Variants in ILDR2 observed in about 807,000 individuals in gnomAD.
ILDR2 encodes immunoglobulin-like domain-containing receptor 2.
In ILDR2, 25 loss-of-function variants were observed where a neutral mutation model predicts 66.8. That is an observed-to-expected ratio of 0.37 (90% CI 0.27 to 0.52). The LOEUF is 0.52. Among genes scored for constraint, ILDR2 ranks in the 20% least tolerant of loss-of-function variants. The pLI, the probability that ILDR2 is intolerant of heterozygous loss-of-function variation, is 0.88. For synonymous variants in ILDR2, 367 were observed against 357.2 expected, an observed-to-expected ratio of 1.03 and a Z score of -0.31; for missense variants, 827 against 876.8, an observed-to-expected ratio of 0.94 and a Z score of 0.72.
Position 166,920,923 on chromosome 1 carries a change from C to T in ILDR2, c.1668G>A (p.Ala556=). 1.4e-6 allele frequency: 2 copies of T among 1,477,652 alleles called. No individual in the cohort carries two copies. The highest frequency in any genetic ancestry group is 1.3e-5 in the South Asian group (1 of 76,850). 91.5% of individuals were successfully genotyped at this position (1,477,652 alleles called of 1,614,324 possible). A position where few individuals can be genotyped will look rare whatever the true frequency, so the allele number is the denominator to read the frequency against. Residue 556 remains alanine (A), a synonymous_variant, in exon 9 of 10, where the codon GCG becomes GCA. Coordinates refer to ENST00000271417, the MANE Select transcript of ILDR2 (RefSeq NM_199351.3). ...GSLETPSKRS[A]QLGPRSASYY... is the part of the protein sequence containing the mutation. ...AGGAGGCGCTGCGCGGGCCGAGCTG[C>T]GCGCTCCGCTTGGATGGCGTCTCCA... is the stretch of plus-strand genomic sequence containing the variant.
In ILDR2 at chr1:166,900,838, G is replaced by A. The variant is rs960807317; in HGVS notation, n.172-4737C>T. ...GCTTTTGTTTTGTGGGGTGGTATGGGTAGTTCTAAGTTACCGTTACTTTTA... is the reference window on the plus strand; with the variant it reads ...GCTTTTGTTTTGTGGGGTGGTATGGATAGTTCTAAGTTACCGTTACTTTTA... On this transcript the variant is annotated intron_variant and non_coding_transcript_variant, in intron 2 of 2. Transcript: ENST00000414590. 2.0e-5 allele frequency among the ~76,000 whole-genome samples: 3 copies of A among 151,538 alleles called. No individual in the cohort carries two copies. In the East Asian group the frequency reaches 5.8e-4, roughly 29 times the overall value.
intron 9 of ILDR2, among the ~76,000 whole-genome samples, chr1:166,920,174 A>G (rs908645280): frequency 6.6e-6 from 1 of 152,200 alleles, no homozygotes; most frequent in East Asian, 1.9e-4. Flanking sequence ...ACTCAATAAA[A>G]CATCAAAAGA....
intron 2 of ILDR2, among the ~76,000 whole-genome samples, chr1:166,901,602 C>T (rs1276617714): frequency 1.3e-5 from 2 of 152,140 alleles, no homozygotes; most frequent in African/African-American, 2.4e-5. Flanking sequence ...GGGCTGATTT[C>T]TCAAATGTTA....
chr1:166,973,626 G>A (rs1030466002), intron 1 of ILDR2, among the ~76,000 whole-genome samples: 1 of 18,000 alleles, frequency 5.6e-5, no homozygotes, highest in African/African-American at 1.2e-4. Context: ...CCCCCCCCCC[G>A]ATGCCTGGCT....
intron 4 of ILDR2, among the ~76,000 whole-genome samples, chr1:166,938,184 T>A (rs932972375): frequency 5.9e-5 from 9 of 152,236 alleles, no homozygotes; most frequent in African/African-American, 9.6e-5. Context: ...GGCCTAAGCC[T>A]TAGTAACAAC....
At position 166,936,864 on chromosome 1, in the gene ILDR2, C is replaced by CCCT; in HGVS notation, c.557-128_557-127insAGG. ...ACCTAGGGAAGAAAGCTTCTCTTAA[C>CCCT]AGGAGACAGAGCCCCAACACTCAAG... On this transcript the variant is annotated intron_variant, in intron 4 of 9. Transcript: ENST00000271417. This position sits in a 1 kb window ranked among gnomAD's most constrained non-coding sequence, Gnocchi z 5.0. The CCCT allele has an allele frequency of 2.3e-6, 2 of 865,690 alleles. No homozygotes were observed. Among genetic ancestry groups the CCCT allele is most frequent in the Non-Finnish European group, 3.7e-6 (2 of 546,502 alleles). 53.6% of individuals were successfully genotyped at this position (865,690 alleles called of 1,614,324 possible). A position where few individuals can be genotyped will look rare whatever the true frequency, so the allele number is the denominator to read the frequency against.
chr1:166,904,135 C>A (rs1264219852), downstream of ILDR2, among the ~76,000 whole-genome samples: 1 of 152,170 alleles, frequency 6.6e-6, no homozygotes, highest in Non-Finnish European at 1.5e-5. Context: ...ATAATTAGTG[C>A]CCAACAAATA....
chr1:166,925,770 A>T (rs899413463), intron 7 of ILDR2, among the ~76,000 whole-genome samples: 1 of 152,200 alleles, frequency 6.6e-6, no homozygotes, highest in Admixed American at 6.5e-5. Flanking sequence ...ATGACCATTA[A>T]GCCCCTAGAG....
chr1:166,915,011 C>T lies in ILDR2; in HGVS notation c.*4344G>A, dbSNP rs1659588397. ...AAAATGATTGAGTTTTTCTATTTCC[C>T]CAATGGCATCTTTTCCTTCTATTCA... On this transcript the variant is annotated 3_prime_UTR_variant, in exon 10 of 10. Coordinates refer to ENST00000271417, the MANE Select transcript of ILDR2 (RefSeq NM_199351.3). 1 of 152,146 alleles carries T rather than the reference C, an allele frequency of 6.6e-6. No homozygotes were observed. Among genetic ancestry groups the T allele is most frequent in the African/African-American group, 2.4e-5 (1 of 41,414 alleles). 9.4% of individuals were successfully genotyped at this position (152,146 alleles called of 1,614,324 possible). A position where few individuals can be genotyped will look rare whatever the true frequency, so the allele number is the denominator to read the frequency against.
At chr1:166,938,356 G>C (rs1206450969) in intron 4 of ILDR2, among the ~76,000 whole-genome samples, 3 of 152,230 alleles carry the variant, frequency 2.0e-5, no homozygotes, top group African/African-American at 7.2e-5. Context: ...TGGAATCAAA[G>C]GGAGGGAAAT....
chr1:166,945,714 T>C (rs562995108), intron 3 of ILDR2, among the ~76,000 whole-genome samples: 38 of 152,380 alleles, frequency 2.5e-4, no homozygotes, highest in Admixed American at 3.9e-4. Context: ...TGATAACACA[T>C]TGTTTAATGC....
At chr1:166,948,206 T>G (rs567370357) in intron 3 of ILDR2, among the ~76,000 whole-genome samples, 1 of 152,136 alleles carries the variant, frequency 6.6e-6, no homozygotes, top group African/African-American at 2.4e-5. Flanking sequence ...TCTTCTGTTC[T>G]CTTCAATCTA....
chr1:166,965,086 G>C (rs1662853582), intron 1 of ILDR2, among the ~76,000 whole-genome samples: 1 of 152,024 alleles, frequency 6.6e-6, no homozygotes, highest in Non-Finnish European at 1.5e-5. Flanking sequence ...TTAACTCTTT[G>C]AGTACCAAAA....
intron 1 of ILDR2, among the ~76,000 whole-genome samples, chr1:166,964,960 G>T (rs1401099313): frequency 1.3e-5 from 2 of 152,182 alleles, no homozygotes; most frequent in Non-Finnish European, 2.9e-5. Context: ...TTGGGAGGCA[G>T]ATCTATAAGC....
chr1:166,968,686 A>T (rs1284680301), intron 1 of ILDR2, among the ~76,000 whole-genome samples: 1 of 152,108 alleles, frequency 6.6e-6, no homozygotes, highest in Non-Finnish European at 1.5e-5. Flanking sequence ...GATGTGCCAT[A>T]GATATGGCCA....
At chr1:166,973,495 C>A (rs1418336812) in intron 1 of ILDR2, among the ~76,000 whole-genome samples, 1 of 151,908 alleles carries the variant, frequency 6.6e-6, no homozygotes, top group East Asian at 1.9e-4. Context: ...AAGCTGTGAG[C>A]CATCTAAAGA....
rs1196204355 is a variant in ILDR2 at position 166,912,218 on chromosome 1, T to G, written c.*7137A>C. The G allele has an allele frequency of 6.6e-6, 1 of 152,186 alleles. No homozygotes were observed. Among genetic ancestry groups the G allele is most frequent in the East Asian group, 1.9e-4 (1 of 5,202 alleles). 9.4% of individuals were successfully genotyped at this position (152,186 alleles called of 1,614,324 possible). A position where few individuals can be genotyped will look rare whatever the true frequency, so the allele number is the denominator to read the frequency against. ...AGTCAGAAGGGAGTGTAATAATAAC[T>G]TCAATGTCCTGAAAGAAAATAACTA... On this transcript the variant is annotated 3_prime_UTR_variant, in exon 10 of 10. Coordinates refer to ENST00000271417, the MANE Select transcript of ILDR2 (RefSeq NM_199351.3).
intron 3 of ILDR2, among the ~76,000 whole-genome samples, chr1:166,944,116 G>A (rs183868287): frequency 3.9e-5 from 6 of 152,204 alleles, no homozygotes; most frequent in East Asian, 3.9e-4. Flanking sequence ...CACACGCTTC[G>A]GATTAAATGA....
intron 3 of ILDR2, among the ~76,000 whole-genome samples, chr1:166,956,520 G>A (rs919703023): frequency 3.3e-5 from 5 of 151,498 alleles, no homozygotes; most frequent in Admixed American, 6.6e-5. Flanking sequence ...ATGATAAAAG[G>A]TGGGGGCGGG....
Sources: gnomAD v4.1 joint callset for allele counts (sites outside exome capture counted in the v4.1 genomes callset) on GRCh38, gnomAD v4.1.1 for gene constraint, Gnocchi (gnomAD v3.1) non-coding constraint, MANE v1.5 for transcripts, NCBI Gene and HGNC (gene_info 2026-07-23, HGNC 2026-07-21) for gene names.